STAU2: variants seen among roughly 807,000 people sequenced by gnomAD.
The protein encoded by STAU2 is staufen double-stranded RNA binding protein 2, also known as double-stranded RNA-binding protein Staufen homolog 2.
Under a neutral mutation model 65.9 loss-of-function variants are expected in STAU2, and 20 were observed. The ratio of observed to expected loss-of-function variants is 0.30; its 90% CI spans 0.21 to 0.44. STAU2 has a LOEUF of 0.44. STAU2 is among the 20% of genes least tolerant of loss of function. The pLI is 1.00. For synonymous variants in STAU2, 232 were observed against 233.9 expected (o/e 0.99, Z 0.07); for missense variants, 558 against 683.9 (o/e 0.82, Z 2.05).
rs1257066964 is a variant in STAU2, at chr8:73,550,417, G to C, written c.1530+1595C>G. ...AAGACATTCTGGTAGCAAAATTACA[G>C]CTACTGTAACAACAGCTCCAAGCAA... On this transcript the variant is annotated intron_variant, in intron 13 of 14. Coordinates refer to ENST00000524300, the MANE Select transcript of STAU2 (RefSeq NM_001164380.2). 4.1e-6 allele frequency: 4 copies of C among 985,220 alleles called. No homozygotes were observed. The Admixed American group carries it at 2.5e-4, about 61-fold the overall frequency. 61.0% of individuals were successfully genotyped at this position (985,220 alleles called of 1,614,324 possible). A position where few individuals can be genotyped will look rare whatever the true frequency, so the allele number is the denominator to read the frequency against.
chr8:73,534,430 T>C (rs1436161520), intron 13 of STAU2, among the ~76,000 whole-genome samples: 5 of 152,224 alleles, frequency 3.3e-5, no homozygotes, highest in Admixed American at 6.5e-5. Flanking sequence ...ACTTTACTAC[T>C]TTTTTTGATC....
intron 1 of STAU2, among the ~76,000 whole-genome samples, chr8:73,741,409 C>G (rs1024858546): frequency 1.1e-4 from 16 of 152,000 alleles, no homozygotes; most frequent in African/African-American, 3.9e-4. Context: ...ATCTACAGAT[C>G]TCTATGTATT....
intron 3 of STAU2, among the ~76,000 whole-genome samples, chr8:73,720,270 C>CAAAAAAAAAAAAAA (rs145378789): frequency 8.2e-4 from 114 of 139,738 alleles, no homozygotes; most frequent in African/African-American, 2.8e-3. Flanking sequence ...GACCCTGTCT[C>CAAAAAAAAAAAAAA]AAAAAAAAAG....
At chr8:73,655,778 AGCT>A (rs939999039) in intron 6 of STAU2, among the ~76,000 whole-genome samples, 1 of 150,648 alleles carries the variant, frequency 6.6e-6, no homozygotes, top group Non-Finnish European at 1.5e-5. Context: ...CCTCCCGAGT[AGCT>A]GGGACTACAG....
chr8:73,571,917 TAG>T (rs1358140111), intron 12 of STAU2, among the ~76,000 whole-genome samples: 3 of 151,750 alleles, frequency 2.0e-5, no homozygotes, highest in African/African-American at 7.3e-5. Flanking sequence ...CTAAGGGAGA[TAG>T]AGACACAAAA....
At chr8:73,593,172 A>T (rs1432355434) in intron 11 of STAU2, among the ~76,000 whole-genome samples, 1 of 152,104 alleles carries the variant, frequency 6.6e-6, no homozygotes, top group Non-Finnish European at 1.5e-5. Flanking sequence ...TCTCTCACCT[A>T]AACAACTCTG....
chr8:73,476,244 T>G (rs186771905), intron 13 of STAU2, among the ~76,000 whole-genome samples: 17 of 152,312 alleles, frequency 1.1e-4, no homozygotes, highest in Admixed American at 9.2e-4. Context: ...TGAGGACATT[T>G]AGCTGAGATG....
At chr8:73,581,544 T>C (rs527903061) in intron 12 of STAU2, among the ~76,000 whole-genome samples, 1 of 152,314 alleles carries the variant, frequency 6.6e-6, no homozygotes, top group Middle Eastern at 3.4e-3. Context: ...GCAATCAATT[T>C]CATGTTTATT....
intron 6 of STAU2, among the ~76,000 whole-genome samples, chr8:73,644,833 A>C (rs1287809945): frequency 6.6e-6 from 1 of 152,216 alleles, no homozygotes; most frequent in Non-Finnish European, 1.5e-5. Flanking sequence ...GAAATTTGAC[A>C]ATTAGACAAA....
chr8:73,736,627 C>T (rs1274223794), intron 3 of STAU2, among the ~76,000 whole-genome samples: 7 of 152,096 alleles, frequency 4.6e-5, no homozygotes, highest in Admixed American at 2.0e-4. Flanking sequence ...GGAACTGAAA[C>T]GGTCCAGTAA....
intron 12 of STAU2, chr8:73,561,521 T>C (rs1426685984): frequency 2.2e-6 from 1 of 455,322 alleles, no homozygotes; most frequent in Non-Finnish European, 4.4e-6. Context: ...TCAGAAAAAC[T>C]CCATTAGTTA....
intron 13 of STAU2, among the ~76,000 whole-genome samples, chr8:73,521,002 G>T (rs191032192): frequency 3.3e-5 from 5 of 152,254 alleles, no homozygotes; most frequent in Admixed American, 2.0e-4. Flanking sequence ...AGGGAATACA[G>T]ATACTATCAC....
At chr8:73,574,826 C>T (rs1809398436) in intron 12 of STAU2, among the ~76,000 whole-genome samples, 1 of 151,858 alleles carries the variant, frequency 6.6e-6, no homozygotes, top group Non-Finnish European at 1.5e-5. Flanking sequence ...TTAATGGGTA[C>T]AGCACACCAA....
At chr8:73,697,826 T>C (rs1331864633) in intron 4 of STAU2, among the ~76,000 whole-genome samples, 1 of 152,214 alleles carries the variant, frequency 6.6e-6, no homozygotes, top group Non-Finnish European at 1.5e-5. Flanking sequence ...ACACTTGTAA[T>C]CCCAGTACTT....
intron 1 of STAU2, among the ~76,000 whole-genome samples, chr8:73,740,257 G>A (rs140279995): frequency 1.4e-3 from 207 of 152,302 alleles, no homozygotes; most frequent in Non-Finnish European, 2.3e-3. Context: ...GTAAGATAAT[G>A]TTTGTTGTCT....
chr8:73,703,873 T>C (rs1380503900), intron 4 of STAU2, among the ~76,000 whole-genome samples: 2 of 152,222 alleles, frequency 1.3e-5, no homozygotes, highest in South Asian at 4.1e-4. Context: ...TTGTTCTTTT[T>C]TTCCCACACA....
At chr8:73,665,928 A>T (rs899479440) in intron 6 of STAU2, among the ~76,000 whole-genome samples, 2 of 152,190 alleles carry the variant, frequency 1.3e-5, no homozygotes, top group Admixed American at 1.3e-4. Flanking sequence ...TATCTAATAC[A>T]ATGTAAATGC....
At chr8:73,675,882 C>T (rs1818001252) in intron 5 of STAU2, among the ~76,000 whole-genome samples, 2 of 152,030 alleles carry the variant, frequency 1.3e-5, no homozygotes, top group South Asian at 2.1e-4. Context: ...GTTAACTTCC[C>T]GATAGAACGG....
intron 13 of STAU2, among the ~76,000 whole-genome samples, chr8:73,479,712 C>CGTGTGTGTGTGTGTGTGTGTGTGT (rs5892422): frequency 1.0e-3 from 147 of 143,894 alleles, no homozygotes; most frequent in South Asian, 4.2e-3. Context: ...CTTAAATATA[C>CGTGTGTGTGTGTGTGTGTGTGTGT]GTGTGTGTGT....
Sources: allele counts gnomAD v4.1 joint callset (sites outside exome capture counted in the v4.1 genomes callset), GRCh38; gene constraint gnomAD v4.1.1; transcripts MANE v1.5; gene names NCBI Gene and HGNC (gene_info 2026-07-23, HGNC 2026-07-21).